The following RICTOR variants were observed in gnomAD, a reference collection of about 807,000 sequenced individuals.
RICTOR encodes the protein rapamycin-insensitive companion of mTOR.
Under a neutral mutation model 214.9 loss-of-function variants are expected in RICTOR, and 49 were observed. The ratio of observed to expected loss-of-function variants is 0.23; its 90% CI spans 0.18 to 0.29. The LOEUF is 0.29. Among genes scored for constraint, RICTOR ranks in the 10% least tolerant of loss-of-function variants. The pLI, the probability that RICTOR is intolerant of heterozygous loss-of-function variation, is 1.00. For missense variants in RICTOR, 1,625 were observed against 2,047.0 expected, an observed-to-expected ratio of 0.79 and a Z score of 3.98; for synonymous variants, 717 against 711.3, an observed-to-expected ratio of 1.01 and a Z score of -0.13.
At chr5:39,010,092 A>T (rs1264984547) in intron 3 of RICTOR, among the ~76,000 whole-genome samples, 1 of 152,170 alleles carries the variant, frequency 6.6e-6, no homozygotes, top group Non-Finnish European at 1.5e-5. Context: ...TCATGGGAGC[A>T]GTTTCCACCA....
At chr5:38,990,788 A>ATC (rs1195962453) in intron 7 of RICTOR, among the ~76,000 whole-genome samples, 161 bp downstream of exon 7, 40 of 107,912 alleles carry the variant, frequency 3.7e-4, no homozygotes, top group South Asian at 6.5e-4. Context: ...TATGAGATAT[A>ATC]TGAGATATAT....
At chr5:38,942,419 A>G in intron 37 of RICTOR, 41 bp from the exon 38 acceptor site, 1 of 1,213,426 alleles carries the variant, frequency 8.2e-7, no homozygotes. Context: ...TTTTATAAAA[A>G]CAGATGATAT....
Position 38,955,576 on chromosome 5 carries a change from C to A in RICTOR, c.2609+19G>T. The A allele has an allele frequency of 7.7e-7, 1 of 1,297,312 alleles. No individual in the cohort carries two copies. 80.4% of individuals were successfully genotyped at this position (1,297,312 alleles called of 1,614,324 possible). ...AATTTATGATGAACTAGTTTTAAAT[C>A]TGATAACTGGGTACGCACCTTTGGT... On this transcript the variant is annotated intron_variant, in intron 26 of 37. Coordinates refer to ENST00000357387, the MANE Select transcript of RICTOR (RefSeq NM_152756.5).
chr5:38,944,619 TG>T, intron 35 of RICTOR, 50 bp from the exon 36 acceptor site: 1 of 1,445,632 alleles, frequency 6.9e-7, no homozygotes, highest in African/African-American at 1.4e-5. Context: ...CACAATAAAA[TG>T]ATTAAAACTC....
intron 7 of RICTOR, among the ~76,000 whole-genome samples, chr5:38,990,657 TATATATCAG>T (rs1752596141): frequency 1.2e-5 from 1 of 83,376 alleles, no homozygotes; most frequent in African/African-American, 4.3e-5. Flanking sequence ...AGATATATGA[TATATATCAG>T]ATATATATCA....
At chr5:38,982,992 A>G (rs1191216315) in intron 7 of RICTOR, among the ~76,000 whole-genome samples, 1 of 152,126 alleles carries the variant, frequency 6.6e-6, no homozygotes, top group Non-Finnish European at 1.5e-5. Flanking sequence ...GCATAATTAC[A>G]TTTAGTAAAA....
intron 3 of RICTOR, among the ~76,000 whole-genome samples, chr5:39,011,562 C>G (rs1452362344): frequency 6.6e-6 from 1 of 152,106 alleles, no homozygotes; most frequent in Non-Finnish European, 1.5e-5. Context: ...AATTCCAGCC[C>G]ATGAAAGCAG....
chr5:38,955,687 A>G lies in RICTOR; in HGVS notation c.2517T>C (p.Tyr839=), dbSNP rs150224496. Residue 839 remains tyrosine, a synonymous_variant, in exon 26 of 38, where the codon TAT becomes TAC. Transcript: ENST00000357387. ...EKWHREYNSK[Y]VDLIEEQLNE... The stretch of plus-strand genomic sequence containing the variant: ...TGAGTTGTTCCTCAATCAAGTCAAC[A>G]TATTTGGAGTTGTATTCCTAGAGGA... 13 of 1,590,868 alleles carry G rather than the reference A, an allele frequency of 8.2e-6. No individual in the cohort carries two copies. The African/African-American group carries it at 1.5e-4, about 18-fold the overall frequency.
Position 38,967,979 on chromosome 5 carries a change from C to T in RICTOR, c.1024G>A (p.Val342Met), listed in dbSNP as rs773280007. 6.2e-7 allele frequency: 1 copy of T among 1,607,404 alleles called. No homozygotes were observed. The highest frequency in any genetic ancestry group is 1.3e-5 in the African/African-American group (1 of 74,900). Residue 342 changes from valine (V) to methionine (M), a missense_variant, in exon 12 of 38, where the codon GTG becomes ATG. Physicochemically the swap from Val to Met is conservative, Grantham distance 21. Around this residue, in one of 5 missense-constraint regions of RICTOR, gnomAD observed 258 missense variants for 393.7 expected, o/e 0.66. Coordinates refer to ENST00000357387, the MANE Select transcript of RICTOR (RefSeq NM_152756.5). ...YDIFRLPLPVVTEEFIEALLS... is the reference protein window; with the variant it reads ...YDIFRLPLPVMTEEFIEALLS... ...AGTGCTTCTATGAACTCCTCAGTCA[C>T]AACAGGTAGAGGAAGACGAAATATA...
At chr5:39,023,720 A>G (rs528203346) in intron 2 of RICTOR, among the ~76,000 whole-genome samples, 148 of 152,352 alleles carry the variant, frequency 9.7e-4, no homozygotes, top group Middle Eastern at 3.4e-3. Flanking sequence ...TCATCAAATG[A>G]AACGGTTTGC....
rs776950560 is a variant in RICTOR at position 39,074,353 on chromosome 5, A to G, written c.25T>C (p.Ser9Pro). 9 of 1,536,854 alleles carry G rather than the reference A, an allele frequency of 5.9e-6. No individual in the cohort carries two copies. In the South Asian group the frequency reaches 8.5e-5, roughly 14 times the overall value. Reference sequence around the variant, plus strand: ...CCTCGTACTCGGAGGTTCTTCAGAGAGCGGCCGCGGCCGATCGCCGCCATA... The same window carrying G: ...CCTCGTACTCGGAGGTTCTTCAGAGGGCGGCCGCGGCCGATCGCCGCCATA... MAAIGRGR[S>P]LKNLRVRGRN... Residue 9 changes from serine (S) to proline (P), a missense_variant, in exon 1 of 38, where the codon TCT becomes CCT. Ser to Pro is a moderately conservative substitution (Grantham distance 74). This residue lies in a region of RICTOR where 71 missense variants were observed against 57.9 expected (regional missense o/e 1.23). Transcript: ENST00000357387.
At chr5:39,034,474 C>G (rs1756510297) in intron 2 of RICTOR, among the ~76,000 whole-genome samples, 1 of 152,216 alleles carries the variant, frequency 6.6e-6, no homozygotes, top group African/African-American at 2.4e-5. Context: ...GGATGCAGGA[C>G]AGTGGGTGCA....
At chr5:39,074,197 T>C in intron 1 of RICTOR, 39 bp from the exon 2 acceptor site, 20 of 1,587,496 alleles carry the variant, frequency 1.3e-5, no homozygotes, top group Non-Finnish European at 1.7e-5. Flanking sequence ...TAGGATTGGC[T>C]CGCAGGCCAG....
intron 2 of RICTOR, among the ~76,000 whole-genome samples, chr5:39,054,847 T>G (rs964635312): frequency 6.6e-6 from 1 of 152,220 alleles, no homozygotes; most frequent in African/African-American, 2.4e-5. Context: ...AACTCAAAAA[T>G]ATTAAAGTAA....
intron 2 of RICTOR, among the ~76,000 whole-genome samples, chr5:39,045,436 A>G (rs1183337176): frequency 3.3e-5 from 5 of 152,178 alleles, no homozygotes; most frequent in Non-Finnish European, 7.4e-5. Context: ...CATTACAATT[A>G]CTGCATGTTC....
intron 3 of RICTOR, among the ~76,000 whole-genome samples, chr5:39,006,519 A>G (rs1170928497): frequency 6.6e-6 from 1 of 151,954 alleles, no homozygotes; most frequent in Non-Finnish European, 1.5e-5. Flanking sequence ...TGAAGTTATA[A>G]ACATTGTAAC....
At chr5:39,002,700 G>T (rs200661705) in intron 4 of RICTOR, 34 bp from the exon 5 acceptor site, 2 of 1,572,996 alleles carry the variant, frequency 1.3e-6, no homozygotes, top group Non-Finnish European at 1.7e-6. Context: ...AAGTTTTGCT[G>T]CACAGGTTTC....
intron 2 of RICTOR, among the ~76,000 whole-genome samples, chr5:39,046,629 T>C (rs1159588147): frequency 1.3e-5 from 2 of 152,132 alleles, no homozygotes; most frequent in Non-Finnish European, 2.9e-5. Flanking sequence ...ATCACACTAC[T>C]GACCCATGCT....
intron 31 of RICTOR, among the ~76,000 whole-genome samples, chr5:38,947,815 G>A (rs1748367851): frequency 6.6e-6 from 1 of 152,066 alleles, no homozygotes. Context: ...TGGCATTTAT[G>A]TAACTAAGGA....
Sources: gnomAD v4.1 joint callset for allele counts (sites outside exome capture counted in the v4.1 genomes callset) on GRCh38, gnomAD v4.1.1 for gene constraint, gnomAD v4.1.1 regional missense constraint, MANE v1.5 for transcripts, NCBI Gene and HGNC (gene_info 2026-07-23, HGNC 2026-07-21) for gene names.